The following ACO2 variants were observed in gnomAD, a reference collection of about 807,000 sequenced individuals.
The protein encoded by ACO2 is aconitate hydratase, mitochondrial.
A neutral mutation model predicts 84.5 loss-of-function variants in ACO2; 31 were observed. The observed-to-expected ratio is 0.37, with a 90% CI of 0.28 to 0.50. ACO2 has a LOEUF of 0.50. Among genes scored for constraint, ACO2 ranks in the 20% least tolerant of loss-of-function variants. The probability of loss-of-function intolerance (pLI) is 0.97; values close to 1 mark genes in which losing one functional copy is unlikely to be tolerated. For missense variants in ACO2, 685 were observed against 1,029.3 expected (o/e 0.67, Z 4.58); for synonymous variants, 414 against 412.7 (o/e 1.00, Z -0.04).
chr22:41,497,552 G>A (rs1194309701), intron 1 of ACO2, among the ~76,000 whole-genome samples: 2 of 151,760 alleles, frequency 1.3e-5, no homozygotes, highest in Non-Finnish European at 2.9e-5. Context: ...ATCAGCCTGG[G>A]CAATGTAGTG....
rs999651856 is a variant in ACO2 at position 41,491,665 on chromosome 22, G to A, written c.37-8061G>A. ...ACAATGTCACCACTTCTAGTTTTACGTTCATCTCCTTTATGGAGGAAACAA... is the reference window on the plus strand; with the variant it reads ...ACAATGTCACCACTTCTAGTTTTACATTCATCTCCTTTATGGAGGAAACAA... On this transcript the variant is annotated intron_variant, in intron 1 of 17. Coordinates refer to ENST00000216254, the MANE Select transcript of ACO2 (RefSeq NM_001098.3). Among the ~76,000 whole-genome samples, 59 of 152,344 alleles carry A rather than the reference G, an allele frequency of 3.9e-4. 1 individual carries two copies. Among genetic ancestry groups the A allele is most frequent in the Admixed American group, 1.4e-3 (22 of 15,296 alleles).
chr22:41,478,496 G>C (rs2038047014), intron 1 of ACO2, among the ~76,000 whole-genome samples: 1 of 152,162 alleles, frequency 6.6e-6, no homozygotes, highest in South Asian at 2.1e-4. Flanking sequence ...AGGTAGAAAT[G>C]AATCTTTTGG....
At chr22:41,477,777 C>T (rs2038036654) in intron 1 of ACO2, among the ~76,000 whole-genome samples, 1 of 152,014 alleles carries the variant, frequency 6.6e-6, no homozygotes, top group Non-Finnish European at 1.5e-5. Flanking sequence ...TTAAAAAAGA[C>T]CAGTTGTGGC....
At chr22:41,474,009 C>T (rs1051762434) in intron 1 of ACO2, among the ~76,000 whole-genome samples, 3 of 152,130 alleles carry the variant, frequency 2.0e-5, no homozygotes, top group Non-Finnish European at 4.4e-5. Context: ...ATCTGATCAT[C>T]TGGGCTGCTG....
intron 1 of ACO2, among the ~76,000 whole-genome samples, chr22:41,497,994 A>G (rs2066327385): frequency 6.6e-6 from 1 of 151,948 alleles, no homozygotes; most frequent in East Asian, 1.9e-4. Flanking sequence ...AAATACAAAA[A>G]TTAGCTGGGC....
chr22:41,488,714 G>A (rs2066250892), intron 1 of ACO2, among the ~76,000 whole-genome samples: 1 of 152,166 alleles, frequency 6.6e-6, no homozygotes, highest in African/African-American at 2.4e-5. Flanking sequence ...TGGGTTCTGG[G>A]GGTTTCTTCC....
intron 3 of ACO2, among the ~76,000 whole-genome samples, chr22:41,510,809 A>C (rs1437024468): frequency 6.6e-6 from 1 of 152,172 alleles, no homozygotes; most frequent in Non-Finnish European, 1.5e-5. Flanking sequence ...CAGGATGGCT[A>C]CAGCCCGTGT....
chr22:41,469,961 TCA>T (rs1287265628), intron 1 of ACO2, among the ~76,000 whole-genome samples: 2 of 152,190 alleles, frequency 1.3e-5, no homozygotes, highest in African/African-American at 4.8e-5. Context: ...CAGCCTGCCC[TCA>T]CAGAACTTTA....
At chr22:41,497,347 G>A (rs1050713730) in intron 1 of ACO2, among the ~76,000 whole-genome samples, 1 of 152,124 alleles carries the variant, frequency 6.6e-6, no homozygotes, top group Non-Finnish European at 1.5e-5. Flanking sequence ...GGGATTACAG[G>A]TGTGAACCAC....
At chr22:41,507,672 G>A in intron 2 of ACO2, 119 bp from the exon 3 acceptor site, 2 of 1,416,692 alleles carry the variant, frequency 1.4e-6, no homozygotes, top group Non-Finnish European at 1.9e-6. Flanking sequence ...GAGGTCCTGA[G>A]TTCAGACTCC....
chr22:41,490,149 C>T (rs958661054), intron 1 of ACO2, among the ~76,000 whole-genome samples: 1 of 152,050 alleles, frequency 6.6e-6, no homozygotes, highest in Non-Finnish European at 1.5e-5. Context: ...ATGGTGAAAC[C>T]CTGTCTTTAC....
intron 1 of ACO2, among the ~76,000 whole-genome samples, chr22:41,498,370 G>A (rs2066330394): frequency 6.6e-6 from 1 of 152,068 alleles, no homozygotes; most frequent in South Asian, 2.1e-4. Flanking sequence ...ATTTATTGCT[G>A]TGTAACAAAT....
At position 41,508,834 on chromosome 22, in the gene ACO2, G is replaced by A. The variant is rs144042980; in HGVS notation, c.432+785G>A. On this transcript the variant is annotated intron_variant, in intron 3 of 17. Coordinates refer to ENST00000216254, the MANE Select transcript of ACO2 (RefSeq NM_001098.3). ...TGCAGTGGGAGTGGGTCCCCCTCAC[G>A]GGGAGGGGCGTTGGCAGGAGCTGAA... is the stretch of plus-strand genomic sequence containing the variant. Among the ~76,000 whole-genome samples the A allele has an allele frequency of 5.1e-3, 777 of 152,326 alleles. 6 individuals are homozygous for A. The highest frequency in any genetic ancestry group is 0.02 in the Middle Eastern group (6 of 294).
intron 2 of ACO2, among the ~76,000 whole-genome samples, chr22:41,502,526 T>G (rs923037299): frequency 6.6e-6 from 1 of 152,186 alleles, no homozygotes; most frequent in African/African-American, 2.4e-5. Flanking sequence ...AGTGATAGAT[T>G]TTTCTTTACT....
At chr22:41,472,728 G>A (rs1255779264) in intron 1 of ACO2, among the ~76,000 whole-genome samples, 1 of 152,124 alleles carries the variant, frequency 6.6e-6, no homozygotes, top group African/African-American at 2.4e-5. Flanking sequence ...GATTACAAGC[G>A]TGAGCCACTG....
intron 3 of ACO2, among the ~76,000 whole-genome samples, chr22:41,508,710 C>T (rs1807491177): frequency 6.6e-6 from 1 of 152,220 alleles, no homozygotes; most frequent in African/African-American, 2.4e-5. Context: ...GTTCCTGCTC[C>T]TTCTCCCAGG....
At chr22:41,483,020 T>C (rs1260526318) in intron 1 of ACO2, among the ~76,000 whole-genome samples, 2 of 152,162 alleles carry the variant, frequency 1.3e-5, no homozygotes, top group Non-Finnish European at 2.9e-5. Flanking sequence ...ACCAGGGGGC[T>C]TATGGGAGTT....
At chr22:41,507,309 G>T (rs2066400777) in intron 2 of ACO2, among the ~76,000 whole-genome samples, 1 of 152,154 alleles carries the variant, frequency 6.6e-6, no homozygotes, top group East Asian at 1.9e-4. Context: ...TGCTGGTCCT[G>T]ATTCCCTGTG....
chr22:41,488,407 T>G (rs973327980), intron 1 of ACO2, among the ~76,000 whole-genome samples: 2 of 152,184 alleles, frequency 1.3e-5, no homozygotes, highest in Non-Finnish European at 2.9e-5. Context: ...GTGCCTTAAC[T>G]TGGAAAAGCT....
Sources: gnomAD v4.1 joint callset for allele counts (sites outside exome capture counted in the v4.1 genomes callset) on GRCh38, gnomAD v4.1.1 for gene constraint, MANE v1.5 for transcripts, NCBI Gene and HGNC (gene_info 2026-07-23, HGNC 2026-07-21) for gene names.